Variants in MYBPC3 observed in about 807,000 individuals in gnomAD.
MYBPC3 encodes the protein myosin binding protein C3, also known as myosin-binding protein C, cardiac-type.
MYBPC3 carries 108 observed loss-of-function variants against 159.3 expected under a neutral mutation model. The ratio of observed to expected loss-of-function variants is 0.68; its 90% CI spans 0.58 to 0.80. The LOEUF (loss-of-function observed/expected upper bound fraction) is 0.80, where lower values mean the gene tolerates loss of function less well. MYBPC3 is among the 30% of genes least tolerant of loss of function. The pLI, the probability that MYBPC3 is intolerant of heterozygous loss-of-function variation, is 0.00. For missense variants in MYBPC3, 1,631 were observed against 1,762.1 expected (o/e 0.93, Z 1.33); for synonymous variants, 730 against 702.0 (o/e 1.04, Z -0.63).
At chr11:47,340,135 G>A (rs201062663) in intron 20 of MYBPC3, among the ~76,000 whole-genome samples, 21 of 147,460 alleles carry the variant, frequency 1.4e-4, no homozygotes, top group Admixed American at 4.7e-4. Flanking sequence ...ACACACACAC[G>A]CATATACACA....
At position 47,333,552 on chromosome 11, in the gene MYBPC3, C is replaced by T. The variant is rs587782958; in HGVS notation, c.3190+5G>A. The T allele has an allele frequency of 5.6e-6, 9 of 1,599,840 alleles. No homozygotes were observed. Among genetic ancestry groups the T allele is most frequent in the South Asian group, 2.2e-5 (2 of 91,082 alleles). ...AGGGGGCTCAAGGAGGCCTTGGCCA[C>T]GCACCAACAACCTGCAGCACCAGCG... is the stretch of plus-strand genomic sequence containing the variant. On this transcript the variant is annotated splice_donor_5th_base_variant and intron_variant, in intron 29 of 34. Transcript: ENST00000545968.
intron 29 of MYBPC3, 27 bp downstream of exon 29, chr11:47,333,530 G>A: frequency 1.3e-6 from 2 of 1,598,914 alleles, no homozygotes; most frequent in African/African-American, 1.3e-5. Flanking sequence ...GGAAACAAGG[G>A]GGCTCAAGGA....
intron 8 of MYBPC3, 72 bp downstream of exon 8, chr11:47,347,579 G>A: frequency 1.3e-6 from 2 of 1,558,260 alleles, no homozygotes; most frequent in Non-Finnish European, 1.7e-6. Flanking sequence ...ACACTAGCCA[G>A]ATTGGGCTCC....
chr11:47,344,793 C>G (rs1034894840), intron 12 of MYBPC3, among the ~76,000 whole-genome samples: 5 of 152,168 alleles, frequency 3.3e-5, no homozygotes, highest in African/African-American at 9.7e-5. Context: ...TAGGAAGGAA[C>G]TCACTCACTT....
intron 17 of MYBPC3, 42 bp downstream of exon 17, chr11:47,342,536 T>C (rs1335254022): frequency 6.6e-7 from 1 of 1,506,604 alleles, no homozygotes; most frequent in South Asian, 1.3e-5. Context: ...GGCTGAGGGG[T>C]CCAAGCCCTA....
chr11:47,333,664 G>C lies in MYBPC3; in HGVS notation c.3083C>G (p.Thr1028Ser), dbSNP rs397516002. Residue 1028 changes from threonine (T) to serine (S), a missense_variant, in exon 29 of 35, where the codon ACC becomes AGC. Physicochemically the swap from Thr to Ser is moderately conservative, Grantham distance 58 (BLOSUM62 1). Transcript: ENST00000545968. Reference sequence around the variant, plus strand: ...GCGAGCGGCCCGGATGAACAGGATGGTGTCTGTGGGGCTGTTGCGGATGCT... The same window carrying C: ...GCGAGCGGCCCGGATGAACAGGATGCTGTCTGTGGGGCTGTTGCGGATGCT... Reference protein sequence around the residue: ...EVSIRNSPTDTILFIRAARRV... With the variant: ...EVSIRNSPTDSILFIRAARRV... The C allele has an allele frequency of 1.9e-6, 3 of 1,611,020 alleles. No homozygotes were observed. Among genetic ancestry groups the C allele is most frequent in the Non-Finnish European group, 2.5e-6 (3 of 1,179,840 alleles).
chr11:47,352,555 G>A (rs2095901871), intron 1 of MYBPC3, 68 bp downstream of exon 1: 15 of 1,587,834 alleles, frequency 9.4e-6, no homozygotes, highest in Non-Finnish European at 1.2e-5. Context: ...CTCCCTCCTA[G>A]CCCTGCTCCC....
At position 47,346,440 on chromosome 11, in the gene MYBPC3, A is replaced by G. The variant is rs2142864501; in HGVS notation, c.927-70T>C. The G allele has an allele frequency of 1.4e-6, 2 of 1,480,550 alleles. No homozygotes were observed. The highest frequency in any genetic ancestry group is 4.2e-4 in the Middle Eastern group (2 of 4,794). The allele number at this position is 1,480,550 out of a possible 1,614,324, so 91.7% of individuals were successfully genotyped here. A position where few individuals can be genotyped will look rare whatever the true frequency, so the allele number is the denominator to read the frequency against. ...CCCCTGGGCGGGGCTTCCTGGGCCC[A>G]GGACCAAGGAGCTGTAGCCACCCCT... On this transcript the variant is annotated intron_variant, in intron 11 of 34. Transcript: ENST00000545968. The surrounding 1 kb of genome is among the most constrained non-coding windows in gnomAD (Gnocchi z 5.3).
At chr11:47,348,926 A>ATATATATATATATATATATATATTTT (rs1189066410) in intron 5 of MYBPC3, among the ~76,000 whole-genome samples, 1 of 131,314 alleles carries the variant, frequency 7.6e-6, no homozygotes, top group African/African-American at 2.7e-5. Flanking sequence ...ATATATATAT[A>ATATATATATATATATATATATATTTT]TTTAAAGGAG....
chr11:47,332,380 C>A lies in MYBPC3; in HGVS notation c.3628-122G>T. On this transcript the variant is annotated intron_variant, in intron 32 of 34. Transcript: ENST00000545968. The surrounding 1 kb of genome is among the most constrained non-coding windows in gnomAD (Gnocchi z 4.2). ...TCCCACGAGAGTCCCTGACTATGCC[C>A]AAGGCTGGAAACAAACATGGAACCA... 7.0e-7 allele frequency: 1 copy of A among 1,431,040 alleles called. No homozygotes were observed. The highest frequency in any genetic ancestry group is 9.6e-7 in the Non-Finnish European group (1 of 1,037,006). The allele number at this position is 1,431,040 out of a possible 1,614,324, so 88.6% of individuals were successfully genotyped here. A position where few individuals can be genotyped will look rare whatever the true frequency, so the allele number is the denominator to read the frequency against.
Position 47,346,600 on chromosome 11 carries a change from G to A in MYBPC3, c.926+27C>T, listed in dbSNP as rs2095894400. ...CTCCTGGCAGAATTAGGGGTGATGA[G>A]GGTGCTGTGCTATGTTGGGCACTCA... On this transcript the variant is annotated intron_variant, in intron 11 of 34. Transcript: ENST00000545968. This position sits in a 1 kb window ranked among gnomAD's most constrained non-coding sequence, Gnocchi z 5.3. 1 of 1,567,540 alleles carries A rather than the reference G, an allele frequency of 6.4e-7. No homozygotes were observed. The highest frequency in any genetic ancestry group is 8.7e-7 in the Non-Finnish European group (1 of 1,155,522).
At chr11:47,347,192 AGCCT>A in intron 9 of MYBPC3, 163 bp from the exon 10 acceptor site, 1 of 985,152 alleles carries the variant, frequency 1.0e-6, no homozygotes, top group Non-Finnish European at 1.2e-6. Flanking sequence ...GAGCTTTTGC[AGCCT>A]CAAGTGTGGA....
rs371167525 is a variant in MYBPC3, at chr11:47,343,078, C to T, written c.1294G>A (p.Ala432Thr). 23 of 1,611,748 alleles carry T rather than the reference C, an allele frequency of 1.4e-5. No homozygotes were observed. Among genetic ancestry groups the T allele is most frequent in the African/African-American group, 9.3e-5 (7 of 74,874 alleles). ...CCACCCACCACGCACTGGTAGGCTG[C>T]GTCGTCCGCCAATGAGCACTGGCTG... The part of the protein sequence containing the change: ...TISQCSLADD[A>T]AYQCVVGGEK... Residue 432 changes from alanine (A) to threonine (T), a missense_variant, in exon 15 of 35, where the codon GCA (alanine) becomes ACA (threonine). Physicochemically the swap from Ala to Thr is moderately conservative, Grantham distance 58 (BLOSUM62 0). Transcript: ENST00000545968.
Position 47,338,794 on chromosome 11 carries a change from A to C in MYBPC3, c.2149-115T>G, listed in dbSNP as rs2095885335. On this transcript the variant is annotated intron_variant, in intron 22 of 34. Coordinates refer to ENST00000545968, the MANE Select transcript of MYBPC3 (RefSeq NM_000256.3). The surrounding 1 kb of genome is among the most constrained non-coding windows in gnomAD (Gnocchi z 4.7). ...TGGGGGGAACACAGCCTGTGGGAAGACTGCATCCACGTCAGCATCTAGTTC... is the reference window on the plus strand; with the variant it reads ...TGGGGGGAACACAGCCTGTGGGAAGCCTGCATCCACGTCAGCATCTAGTTC... 1.6e-6 allele frequency: 2 copies of C among 1,237,512 alleles called. No individual in the cohort carries two copies. Among genetic ancestry groups the C allele is most frequent in the Non-Finnish European group, 2.2e-6 (2 of 913,126 alleles). The allele number at this position is 1,237,512 out of a possible 1,614,324, so 76.7% of individuals were successfully genotyped here. A position where few individuals can be genotyped will look rare whatever the true frequency, so the allele number is the denominator to read the frequency against.
chr11:47,333,538 G>A lies in MYBPC3; in HGVS notation c.3190+19C>T, dbSNP rs779387850. On this transcript the variant is annotated intron_variant, in intron 29 of 34. Coordinates refer to ENST00000545968, the MANE Select transcript of MYBPC3 (RefSeq NM_000256.3). The stretch of plus-strand genomic sequence containing the variant: ...AGGGAAGGGAAACAAGGGGGCTCAA[G>A]GAGGCCTTGGCCACGCACCAACAAC... 15 of 1,599,376 alleles carry A rather than the reference G, an allele frequency of 9.4e-6. No individual in the cohort carries two copies. Among genetic ancestry groups the A allele is most frequent in the Non-Finnish European group, 1.3e-5 (15 of 1,179,586 alleles).
Position 47,348,563 on chromosome 11 carries a change from G to A in MYBPC3, c.655-22C>T. 5 of 1,581,924 alleles carry A rather than the reference G, an allele frequency of 3.2e-6. No individual in the cohort carries two copies. In the South Asian group the frequency reaches 5.6e-5, roughly 18 times the overall value. On this transcript the variant is annotated intron_variant, in intron 5 of 34. Coordinates refer to ENST00000545968, the MANE Select transcript of MYBPC3 (RefSeq NM_000256.3). ...AGACCTGTGTGCATGGAGGGACGGGGCGTCAGGGGACACCAGGGGCCGGGA... is the reference window on the plus strand; with the variant it reads ...AGACCTGTGTGCATGGAGGGACGGGACGTCAGGGGACACCAGGGGCCGGGA...
chr11:47,339,895 T>C, intron 20 of MYBPC3, 105 bp from the exon 21 acceptor site: 1 of 1,270,212 alleles, frequency 7.9e-7, no homozygotes, highest in Non-Finnish European at 1.1e-6. Flanking sequence ...ATTGGTTTTT[T>C]AGATTTGTAT....
At position 47,348,454 on chromosome 11, in the gene MYBPC3, C is replaced by T. The variant is rs768625454; in HGVS notation, c.742G>A (p.Asp248Asn). Residue 248 changes from aspartate to asparagine, a missense_variant, in exon 6 of 35, where the codon GAC (aspartate) becomes AAC (asparagine). Transcript: ENST00000545968. ...ACAGTGAGATTGAAGTTGGAGCAGT[C>T]AAATTTGTCCTTGGTGGACACCTCA... is the stretch of plus-strand genomic sequence containing the variant. The part of the protein sequence containing the change: ...RCEVSTKDKF[D>N]CSNFNLTVHE... 1 of 1,613,140 alleles carries T rather than the reference C, an allele frequency of 6.2e-7. No individual in the cohort carries two copies.
Position 47,351,558 on chromosome 11 carries a change from C to A in MYBPC3, c.26-53G>T. 28 of 1,496,174 alleles carry A rather than the reference C, an allele frequency of 1.9e-5. No individual in the cohort carries two copies. Among genetic ancestry groups the A allele is most frequent in the Non-Finnish European group, 2.4e-5 (27 of 1,118,004 alleles). 92.7% of individuals were successfully genotyped at this position (1,496,174 alleles called of 1,614,324 possible). On this transcript the variant is annotated intron_variant, in intron 1 of 34. Coordinates refer to ENST00000545968, the MANE Select transcript of MYBPC3 (RefSeq NM_000256.3). The surrounding 1 kb of genome is among the most constrained non-coding windows in gnomAD (Gnocchi z 4.2). ...GCCCCTGGTTGGAGCGTGCACCCCG[C>A]CCCTGCAGCCCCTCTCAGTAAATAC...
Sources: allele counts gnomAD v4.1 joint callset (sites outside exome capture counted in the v4.1 genomes callset), GRCh38; gene constraint gnomAD v4.1.1; non-coding constraint Gnocchi (gnomAD v3.1); transcripts MANE v1.5; gene names NCBI Gene and HGNC (gene_info 2026-07-23, HGNC 2026-07-21).